Variants in SATB2 observed in about 807,000 individuals in gnomAD.
SATB2 encodes SATB homeobox 2, also known as DNA-binding protein SATB2.
SATB2 carries 1 observed loss-of-function variant against 73.4 expected under a neutral mutation model. That is an observed-to-expected ratio of 0.01 (90% CI 0.00 to 0.06). SATB2 has a LOEUF of 0.06. Ranked by LOEUF, SATB2 falls within the 10% of genes least tolerant of loss-of-function variation. The pLI, the probability that SATB2 is intolerant of heterozygous loss-of-function variation, is 1.00. For synonymous variants in SATB2, 397 were observed against 367.0 expected (o/e 1.08, Z -0.93); for missense variants, 459 against 945.8 (o/e 0.49, Z 6.75).
intron 7 of SATB2, among the ~76,000 whole-genome samples, chr2:199,338,166 C>A (rs901159020): frequency 1.3e-5 from 2 of 151,766 alleles, no homozygotes; most frequent in African/African-American, 2.4e-5. Context: ...GAGTTCAAGA[C>A]CAGCCTGGCC....
chr2:199,418,897 C>T (rs1279261603), intron 3 of SATB2, among the ~76,000 whole-genome samples: 1 of 152,142 alleles, frequency 6.6e-6, no homozygotes, highest in African/African-American at 2.4e-5. Flanking sequence ...TTCCTGCCCA[C>T]TCATTACAAA....
chr2:199,275,510 T>C (rs992324049), intron 10 of SATB2, among the ~76,000 whole-genome samples: 34 of 152,190 alleles, frequency 2.2e-4, no homozygotes, highest in African/African-American at 7.7e-4. Context: ...ACTGGAAACA[T>C]GTAGCATCTC....
rs142198419 is a variant in SATB2 at position 199,433,726 on chromosome 2, C to T, written c.170-212G>A. 6.7e-3 allele frequency among the ~76,000 whole-genome samples: 1,015 copies of T among 152,098 alleles called. 9 individuals carry two copies. The highest frequency in any genetic ancestry group is 9.5e-3 in the Admixed American group (146 of 15,300). On this transcript the variant is annotated intron_variant, in intron 2 of 10. Transcript: ENST00000417098. ...AATTGCCCAGGGCAGTGGCAGAAGC[C>T]CTTAGATTCCCGTCATTTTCACCAA... is the stretch of plus-strand genomic sequence containing the variant.
intron 10 of SATB2, among the ~76,000 whole-genome samples, chr2:199,289,100 C>A (rs1181712722): frequency 6.6e-6 from 1 of 152,112 alleles, no homozygotes; most frequent in Non-Finnish European, 1.5e-5. Flanking sequence ...AAAGTTTGGG[C>A]TCTTAATTCT....
At chr2:199,299,436 T>C (rs1574484273) in intron 10 of SATB2, among the ~76,000 whole-genome samples, 5 of 152,092 alleles carry the variant, frequency 3.3e-5, no homozygotes, top group Admixed American at 3.3e-4. Flanking sequence ...ACCTGTCCAT[T>C]CTAGAAACAG....
chr2:199,411,878 G>A (rs1469136698), intron 3 of SATB2, among the ~76,000 whole-genome samples: 1 of 152,190 alleles, frequency 6.6e-6, no homozygotes, highest in Non-Finnish European at 1.5e-5. Flanking sequence ...GTGAACAGTG[G>A]GATAAGGGGA....
In SATB2 at chr2:199,308,744, G is replaced by T. The variant is rs777264256; in HGVS notation, c.1740+16C>A. The stretch of plus-strand genomic sequence containing the variant: ...GAGCCCTGATCAGGTGGGGTACGGC[G>T]GTCGGGGACACTGACCTGCACCGGC... On this transcript the variant is annotated intron_variant, in intron 10 of 10. Transcript: ENST00000417098. This position sits in a 1 kb window ranked among gnomAD's most constrained non-coding sequence, Gnocchi z 4.6. 6.2e-7 allele frequency: 1 copy of T among 1,611,858 alleles called. No individual in the cohort carries two copies. The highest frequency in any genetic ancestry group is 8.5e-7 in the Non-Finnish European group (1 of 1,178,088).
chr2:199,356,032 T>C (rs1037702387), intron 6 of SATB2, among the ~76,000 whole-genome samples: 4 of 151,924 alleles, frequency 2.6e-5, no homozygotes, highest in Admixed American at 6.6e-5. Context: ...TAGAAAGCAA[T>C]GAATTGGGTA....
intron 5 of SATB2, among the ~76,000 whole-genome samples, chr2:199,377,203 C>A (rs934637202): frequency 6.6e-6 from 1 of 151,984 alleles, no homozygotes; most frequent in Non-Finnish European, 1.5e-5. Context: ...GGTGAAATCA[C>A]GTCTCTACTA....
At chr2:199,345,321 G>A (rs916120962) in intron 7 of SATB2, among the ~76,000 whole-genome samples, 3 of 151,598 alleles carry the variant, frequency 2.0e-5, no homozygotes, top group East Asian at 1.9e-4. Flanking sequence ...TGTGCACAAC[G>A]TGCAGGTTTG....
intron 3 of SATB2, among the ~76,000 whole-genome samples, chr2:199,399,537 A>T (rs758926965): frequency 1.1e-4 from 16 of 152,318 alleles, no homozygotes; most frequent in Non-Finnish European, 2.2e-4. Flanking sequence ...CATTGCTACA[A>T]AGAAATACCT....
intron 10 of SATB2, among the ~76,000 whole-genome samples, chr2:199,273,837 T>C (rs535701662): frequency 6.6e-5 from 10 of 151,688 alleles, no homozygotes; most frequent in Non-Finnish European, 5.9e-5. Flanking sequence ...TAGGTAAGCT[T>C]ACTCAAAGGA....
chr2:199,332,218 C>T (rs1258317295), intron 7 of SATB2, among the ~76,000 whole-genome samples: 2 of 152,038 alleles, frequency 1.3e-5, no homozygotes, highest in Non-Finnish European at 1.5e-5. Context: ...GGCAACAGAA[C>T]CTTCTCCAGG....
chr2:199,360,376 T>G (rs1228535434), intron 6 of SATB2, among the ~76,000 whole-genome samples: 1 of 152,086 alleles, frequency 6.6e-6, no homozygotes, highest in African/African-American at 2.4e-5. Context: ...TAAAGCACAC[T>G]CCCTCCTTGT....
At chr2:199,335,771 A>T (rs902830813) in intron 7 of SATB2, among the ~76,000 whole-genome samples, 1 of 152,200 alleles carries the variant, frequency 6.6e-6, no homozygotes, top group Non-Finnish European at 1.5e-5. Context: ...ACTGAAACTG[A>T]AATTTTGGGT....
At chr2:199,295,127 T>A (rs1293878822) in intron 10 of SATB2, among the ~76,000 whole-genome samples, 1 of 152,160 alleles carries the variant, frequency 6.6e-6, no homozygotes, top group African/African-American at 2.4e-5. Flanking sequence ...AAGATAAACA[T>A]GTTTGAACAT....
intron 1 of SATB2, 65 bp from the exon 2 acceptor site, chr2:199,456,161 G>A: frequency 1.1e-6 from 1 of 938,272 alleles, no homozygotes; most frequent in South Asian, 1.4e-5. Flanking sequence ...TCATACACGT[G>A]ATAGACGTTC....
At chr2:199,329,249 A>G in intron 7 of SATB2, 1 of 325,846 alleles carries the variant, frequency 3.1e-6, no homozygotes, top group South Asian at 3.3e-5. Flanking sequence ...AACTGTTAGA[A>G]CTCTCTCTGC....
At chr2:199,400,567 A>C (rs1233043911) in intron 3 of SATB2, among the ~76,000 whole-genome samples, 2 of 152,204 alleles carry the variant, frequency 1.3e-5, no homozygotes, top group African/African-American at 4.8e-5. Flanking sequence ...AAAATGATGA[A>C]ACTATTTGCT....
Sources: allele counts gnomAD v4.1 joint callset (sites outside exome capture counted in the v4.1 genomes callset), GRCh38; gene constraint gnomAD v4.1.1; non-coding constraint Gnocchi (gnomAD v3.1); transcripts MANE v1.5; gene names NCBI Gene and HGNC (gene_info 2026-07-23, HGNC 2026-07-21).